The following RIMS1 variants were observed in gnomAD, a reference collection of about 807,000 sequenced individuals.
RIMS1 encodes regulating synaptic membrane exocytosis protein 1.
Under a neutral mutation model 214.1 loss-of-function variants are expected in RIMS1, and 83 were observed. The ratio of observed to expected loss-of-function variants is 0.39; its 90% CI spans 0.32 to 0.47. The LOEUF is 0.47. Ranked by LOEUF, RIMS1 falls within the 20% of genes least tolerant of loss-of-function variation. RIMS1 has a pLI of 0.99. For synonymous variants in RIMS1, 793 were observed against 786.8 expected (o/e 1.01, Z -0.13); for missense variants, 2,050 against 2,161.8 (o/e 0.95, Z 1.03).
intron 22 of RIMS1, among the ~76,000 whole-genome samples, chr6:72,267,266 C>G (rs907933244): frequency 6.6e-6 from 1 of 151,900 alleles, no homozygotes; most frequent in Non-Finnish European, 1.5e-5. Context: ...TCAAGAGTAG[C>G]AAGAAAATTT....
At chr6:71,928,313 A>T (rs975147193) in intron 1 of RIMS1, among the ~76,000 whole-genome samples, 1 of 152,154 alleles carries the variant, frequency 6.6e-6, no homozygotes, top group African/African-American at 2.4e-5. Flanking sequence ...GTGTAGAATG[A>T]CATTACTATT....
intron 2 of RIMS1, among the ~76,000 whole-genome samples, chr6:72,006,586 G>A (rs1007307165): frequency 3.9e-5 from 6 of 152,178 alleles, no homozygotes; most frequent in Admixed American, 3.3e-4. Flanking sequence ...CAAGGAAAGG[G>A]GTGACAGATG....
At chr6:72,390,765 T>C in intron 30 of RIMS1, 29 bp downstream of exon 30, 9 of 1,610,326 alleles carry the variant, frequency 5.6e-6, no homozygotes, top group Non-Finnish European at 7.6e-6. Context: ...TCTGCATGGC[T>C]GTGGAACCAG....
chr6:72,293,181 C>G (rs547589816), intron 26 of RIMS1, among the ~76,000 whole-genome samples: 258 of 151,970 alleles, frequency 1.7e-3, no homozygotes, highest in Middle Eastern at 6.8e-3. Context: ...GTGATAAACT[C>G]TGAGTTTATA....
chr6:72,291,884 A>G, intron 25 of RIMS1, 50 bp from the exon 26 acceptor site: 1 of 1,371,612 alleles, frequency 7.3e-7, no homozygotes, highest in South Asian at 1.2e-5. Context: ...TTTTTGTCAG[A>G]CCACATTGGA....
intron 6 of RIMS1, among the ~76,000 whole-genome samples, chr6:72,215,043 C>G (rs1589260117): frequency 6.6e-6 from 1 of 152,224 alleles, no homozygotes; most frequent in Non-Finnish European, 1.5e-5. Context: ...TTCTTAAATT[C>G]TAGTCAAAGA....
chr6:71,914,651 A>G (rs948064844), intron 1 of RIMS1, among the ~76,000 whole-genome samples: 2 of 152,182 alleles, frequency 1.3e-5, no homozygotes, highest in Non-Finnish European at 2.9e-5. Flanking sequence ...CAAAACACAG[A>G]CTTCTTATTC....
intron 1 of RIMS1, among the ~76,000 whole-genome samples, chr6:71,918,935 G>A (rs1453623314): frequency 1.3e-5 from 2 of 152,112 alleles, no homozygotes; most frequent in Non-Finnish European, 2.9e-5. Context: ...GAAGGCTGTA[G>A]TCAGATAGAA....
Position 71,969,048 on chromosome 6 carries a change from C to T in RIMS1, c.230C>T (p.Pro77Leu). ...CKTPRNAENQPHQPSPRLHQQ... is the reference protein window; with the variant it reads ...CKTPRNAENQLHQPSPRLHQQ... ...ACACCAAGAAATGCTGAAAACCAGCCCCACCAACCTTCACCGTGAGTATGG... is the reference window on the plus strand; with the variant it reads ...ACACCAAGAAATGCTGAAAACCAGCTCCACCAACCTTCACCGTGAGTATGG... The change falls in exon 2 of 34, where the codon CCC becomes CTC. Residue 77 changes from proline to leucine, a missense_variant. Physicochemically the swap from Pro to Leu is moderately conservative, Grantham distance 98. Transcript: ENST00000521978. The T allele has an allele frequency of 6.2e-7, 1 of 1,613,926 alleles. No individual in the cohort carries two copies. The highest frequency in any genetic ancestry group is 1.3e-5 in the African/African-American group (1 of 75,044).
intron 2 of RIMS1, among the ~76,000 whole-genome samples, chr6:72,026,306 A>G (rs1317795832): frequency 5.3e-5 from 8 of 152,288 alleles, no homozygotes; most frequent in African/African-American, 1.9e-4. Flanking sequence ...ATCACATACC[A>G]GCTGGTGGCC....
At chr6:72,237,686 A>T (rs905020093) in intron 8 of RIMS1, 137 bp from the exon 9 acceptor site, 1 of 669,804 alleles carries the variant, frequency 1.5e-6, no homozygotes, top group African/African-American at 1.8e-5. Context: ...AAAAAAAAAA[A>T]AAAAGTGCTT....
At chr6:72,333,899 A>G (rs2096753527) in intron 29 of RIMS1, 64 bp downstream of exon 29, 3 of 1,136,126 alleles carry the variant, frequency 2.6e-6, no homozygotes, top group Non-Finnish European at 3.9e-6. Context: ...CTTGATCTTC[A>G]TGCTATGGCT....
chr6:72,182,554 A>G lies in RIMS1; in HGVS notation c.1083A>G (p.Leu361=), dbSNP rs2463730. The part of the protein sequence containing the change: ...YQTRYRSDPN[L]ARYPVKPPPE... The stretch of plus-strand genomic sequence containing the variant: ...CCAGGTACCGCAGCGACCCGAACCT[A>G]GCTCGGTACCCGGTGAAACCGCCGC... Residue 361 remains leucine (L), a synonymous_variant, in exon 6 of 34, where the codon CTA becomes CTG. Coordinates refer to ENST00000521978, the MANE Select transcript of RIMS1 (RefSeq NM_014989.7). 1 allele frequency: 1,545,938 copies of G among 1,552,564 alleles called. 769,869 individuals are homozygous for G. The highest frequency in any genetic ancestry group is 1 in the East Asian group (41,020 of 41,020).
chr6:72,329,875 T>C (rs1220204639), intron 28 of RIMS1, among the ~76,000 whole-genome samples: 2 of 151,722 alleles, frequency 1.3e-5, no homozygotes, highest in African/African-American at 2.4e-5. Flanking sequence ...GAGAGCCTTA[T>C]TAGATATATC....
chr6:72,395,120 T>G (rs1188451402), intron 31 of RIMS1, among the ~76,000 whole-genome samples: 1 of 151,954 alleles, frequency 6.6e-6, no homozygotes, highest in Non-Finnish European at 1.5e-5. Context: ...TATATAAATT[T>G]AAAAAAATCT....
intron 2 of RIMS1, among the ~76,000 whole-genome samples, chr6:71,985,908 A>G (rs1481315450): frequency 6.6e-6 from 1 of 152,166 alleles, no homozygotes; most frequent in Non-Finnish European, 1.5e-5. Context: ...AAAGCTGCTT[A>G]TGCCTCCTAG....
chr6:72,018,452 C>T (rs511211), intron 2 of RIMS1, among the ~76,000 whole-genome samples: 3 of 151,906 alleles, frequency 2.0e-5, no homozygotes, highest in African/African-American at 4.8e-5. Context: ...ATTTTAGACA[C>T]GATAAATCTG....
intron 2 of RIMS1, among the ~76,000 whole-genome samples, chr6:72,008,861 A>C (rs1356440925): frequency 1.3e-5 from 2 of 152,186 alleles, no homozygotes; most frequent in African/African-American, 4.8e-5. Flanking sequence ...TTAGACTCCC[A>C]CACAATAATA....
intron 24 of RIMS1, among the ~76,000 whole-genome samples, chr6:72,286,043 C>T (rs138666466): frequency 0.03 from 4,505 of 152,006 alleles, 201 homozygotes; most frequent in African/African-American, 0.1. Flanking sequence ...ACTAAAAATA[C>T]AAAAGTAGCT....
Sources: gnomAD v4.1 joint callset for allele counts (sites outside exome capture counted in the v4.1 genomes callset) on GRCh38, gnomAD v4.1.1 for gene constraint, MANE v1.5 for transcripts, NCBI Gene and HGNC (gene_info 2026-07-23, HGNC 2026-07-21) for gene names.